The following KLC1 variants were observed in gnomAD, a reference collection of about 807,000 sequenced individuals.
The protein encoded by KLC1 is kinesin 2 60/70kDa.
A neutral mutation model predicts 84.2 loss-of-function variants in KLC1; 30 were observed. That is an observed-to-expected ratio of 0.36 (90% CI 0.27 to 0.48). KLC1 has a LOEUF of 0.48. Ranked by LOEUF, KLC1 falls within the 20% of genes least tolerant of loss-of-function variation. KLC1 has a pLI of 0.99. For missense variants in KLC1, 499 were observed against 805.4 expected (o/e 0.62, Z 4.60); for synonymous variants, 289 against 293.3 (o/e 0.99, Z 0.15).
intron 15 of KLC1, chr14:103,697,263 A>G (rs1332697764): frequency 5.9e-6 from 2 of 338,136 alleles, no homozygotes; most frequent in East Asian, 1.7e-4. Flanking sequence ...GAGAGCCTTG[A>G]TAACATGATG....
At position 103,655,862 on chromosome 14, in the gene KLC1, G is replaced by A. The variant is rs117509700; in HGVS notation, c.261+1037G>A. On this transcript the variant is annotated intron_variant, in intron 2 of 16. Transcript: ENST00000334553. ...AGGGCCTCTCTGAATTTTGAAAAGCGGATCCAAAATAGTGGATACTGCTGT... is the reference window on the plus strand; with the variant it reads ...AGGGCCTCTCTGAATTTTGAAAAGCAGATCCAAAATAGTGGATACTGCTGT... Among the ~76,000 whole-genome samples the A allele has an allele frequency of 9.5e-4, 145 of 152,242 alleles. 3 individuals are homozygous for A. In the East Asian group the frequency reaches 0.02, roughly 21 times the overall value.
At position 103,694,814 on chromosome 14, in the gene KLC1, A is replaced by AGAGTGTCG; in HGVS notation, c.1848+2396_1848+2397insGGAGTGTC. The AGAGTGTCG allele has an allele frequency of 1.0e-6, 1 of 985,410 alleles. No homozygotes were observed. Among genetic ancestry groups the AGAGTGTCG allele is most frequent in the Non-Finnish European group, 1.2e-6 (1 of 829,858 alleles). 61.0% of individuals were successfully genotyped at this position (985,410 alleles called of 1,614,324 possible). A position where few individuals can be genotyped will look rare whatever the true frequency, so the allele number is the denominator to read the frequency against. On this transcript the variant is annotated intron_variant, in intron 15 of 16. Coordinates refer to ENST00000334553, the MANE Select transcript of KLC1 (RefSeq NM_001394837.1). The surrounding 1 kb of genome is among the most constrained non-coding windows in gnomAD (Gnocchi z 4.5). ...CCCGTGGGGCACGAAGGCTGGGGAC[A>AGAGTGTCG]GAGTGTCCTGAGGTTTTGTTACAAG...
At chr14:103,633,725 TC>T (rs1389283411) in intron 1 of KLC1, among the ~76,000 whole-genome samples, 4 of 152,130 alleles carry the variant, frequency 2.6e-5, no homozygotes, top group Non-Finnish European at 5.9e-5. Context: ...CTCAAGCACT[TC>T]CAGGTGCATC....
chr14:103,646,420 C>T (rs1372503245), intron 1 of KLC1, among the ~76,000 whole-genome samples: 1 of 152,122 alleles, frequency 6.6e-6, no homozygotes, highest in Non-Finnish European at 1.5e-5. Flanking sequence ...CCCACTTCAG[C>T]CTCTCAAGTA....
In KLC1 at chr14:103,699,524, C is replaced by T. The variant is rs750418294; in HGVS notation, c.1849-1131C>T. 2.5e-6 allele frequency: 4 copies of T among 1,613,504 alleles called. No individual in the cohort carries two copies. In the East Asian group the frequency reaches 6.7e-5, roughly 27 times the overall value. ...GTCGATGACCACCAGGCGAGCCATGCCCCGAGACAGCAGTACGGGGACCTT... is the reference window on the plus strand; with the variant it reads ...GTCGATGACCACCAGGCGAGCCATGTCCCGAGACAGCAGTACGGGGACCTT... On this transcript the variant is annotated intron_variant, in intron 15 of 16. Coordinates refer to ENST00000334553, the MANE Select transcript of KLC1 (RefSeq NM_001394837.1).
Position 103,679,365 on chromosome 14 carries a change from T to C in KLC1, c.1489-19T>C, listed in dbSNP as rs757525808. Reference sequence around the variant, plus strand: ...TAAGTGCTAATGGGTCAAACCATTTTCCCCTGCCTGGCTCACAGGGTCTTG... The same window carrying C: ...TAAGTGCTAATGGGTCAAACCATTTCCCCCTGCCTGGCTCACAGGGTCTTG... On this transcript the variant is annotated intron_variant, in intron 12 of 16. Transcript: ENST00000334553. 4.3e-6 allele frequency: 7 copies of C among 1,613,792 alleles called. No individual in the cohort carries two copies. Among genetic ancestry groups the C allele is most frequent in the Non-Finnish European group, 5.9e-6 (7 of 1,179,868 alleles).
chr14:103,692,271 C>T (rs1026597128), intron 14 of KLC1, 88 bp from the exon 15 acceptor site: 22 of 1,205,166 alleles, frequency 1.8e-5, no homozygotes, highest in East Asian at 2.5e-5. Context: ...GTCACAGAGG[C>T]GTTGGAGGGG....
At chr14:103,695,529 T>TG (rs1460144228) in intron 15 of KLC1, 3 of 985,094 alleles carry the variant, frequency 3.0e-6, no homozygotes, top group Non-Finnish European at 3.6e-6. Flanking sequence ...TCCCTTGTGG[T>TG]GGGGGTGCCT....
At chr14:103,699,683 C>A in intron 15 of KLC1, 1 of 1,091,284 alleles carries the variant, frequency 9.2e-7, no homozygotes, top group African/African-American at 1.5e-5. Context: ...TCCTACCCAC[C>A]TGGGGCTCAC....
At position 103,696,314 on chromosome 14, in the gene KLC1, C is replaced by T. The variant is rs778484028; in HGVS notation, c.1848+3889C>T. ...GGTCCTCAGAGGCCGGTGGTGCCCGCGGGTGGCACGGGGCACTCTCATGGG... is the reference window on the plus strand; with the variant it reads ...GGTCCTCAGAGGCCGGTGGTGCCCGTGGGTGGCACGGGGCACTCTCATGGG... On this transcript the variant is annotated intron_variant, in intron 15 of 16. Coordinates refer to ENST00000334553, the MANE Select transcript of KLC1 (RefSeq NM_001394837.1). The T allele has an allele frequency of 7.1e-6, 7 of 985,158 alleles. No individual in the cohort carries two copies. The South Asian group carries it at 1.4e-4, about 20-fold the overall frequency. The allele number at this position is 985,158 out of a possible 1,614,324, so 61.0% of individuals were successfully genotyped here. A position where few individuals can be genotyped will look rare whatever the true frequency, so the allele number is the denominator to read the frequency against.
intron 5 of KLC1, among the ~76,000 whole-genome samples, chr14:103,663,399 A>C (rs2079462616): frequency 2.0e-5 from 3 of 152,110 alleles, no homozygotes; most frequent in Admixed American, 2.0e-4. Flanking sequence ...AGCTTTGTGG[A>C]AGGGTGTCAC....
At chr14:103,688,371 G>A (rs2081910664) in intron 14 of KLC1, among the ~76,000 whole-genome samples, 1 of 152,040 alleles carries the variant, frequency 6.6e-6, no homozygotes, top group African/African-American at 2.4e-5. Context: ...GGCTGGTCTC[G>A]AACTCCTGAC....
At chr14:103,673,990 C>T (rs990690421) in intron 9 of KLC1, among the ~76,000 whole-genome samples, 1 of 151,924 alleles carries the variant, frequency 6.6e-6, no homozygotes, top group Admixed American at 6.6e-5. Flanking sequence ...AGCAGTTAGA[C>T]TGGGATTACA....
intron 13 of KLC1, among the ~76,000 whole-genome samples, chr14:103,681,016 G>A (rs3915733): frequency 0.3 from 45,365 of 152,096 alleles, 7,405 homozygotes; most frequent in Middle Eastern, 0.38. Flanking sequence ...AGGTGTCCCC[G>A]TCAGGCCCGC....
intron 16 of KLC1, 135 bp from the exon 17 acceptor site, chr14:103,701,066 G>T: frequency 8.1e-6 from 9 of 1,105,468 alleles, no homozygotes; most frequent in Non-Finnish European, 1.2e-5. Flanking sequence ...CCCCAGGGAG[G>T]CTCACAACCA....
At chr14:103,634,441 G>T (rs559170340) in intron 1 of KLC1, among the ~76,000 whole-genome samples, 5 of 152,150 alleles carry the variant, frequency 3.3e-5, no homozygotes, top group Non-Finnish European at 7.3e-5. Flanking sequence ...TAAATCTGAA[G>T]TGCTTGTGGG....
rs2080555515 is a variant in KLC1 at position 103,673,086 on chromosome 14, A to G, written c.1060A>G (p.Lys354Glu). The G allele has an allele frequency of 1.2e-6, 2 of 1,613,924 alleles. No homozygotes were observed. The highest frequency in any genetic ancestry group is 1.3e-5 in the African/African-American group (1 of 74,882). ...GGCCTTACTGTGCCAGAACCAGGGCAAGTATGAAGAAGTAGAATATTATTA... is the reference window on the plus strand; with the variant it reads ...GGCCTTACTGTGCCAGAACCAGGGCGAGTATGAAGAAGTAGAATATTATTA... Reference protein sequence around the residue: ...NLALLCQNQGKYEEVEYYYQR... With the variant: ...NLALLCQNQGEYEEVEYYYQR... The change falls in exon 8 of 17, where the codon AAG becomes GAG. Residue 354 changes from lysine to glutamate, a missense_variant. This residue lies in a region of KLC1 where 153 missense variants were observed against 332.4 expected (regional missense o/e 0.46). Coordinates refer to ENST00000334553, the MANE Select transcript of KLC1 (RefSeq NM_001394837.1).
intron 14 of KLC1, chr14:103,688,155 C>CGTT (rs139523413): frequency 6.6e-6 from 1 of 152,046 alleles, no homozygotes; most frequent in South Asian, 2.1e-4. Flanking sequence ...CTGTCTTTTT[C>CGTT]GTTGTTGTTG....
At position 103,673,052 on chromosome 14, in the gene KLC1, A is replaced by G. The variant is rs148174982; in HGVS notation, c.1026A>G (p.Leu342=). Residue 342 remains leucine (L), a synonymous_variant, in exon 8 of 17, where the codon TTA becomes TTG. Coordinates refer to ENST00000334553, the MANE Select transcript of KLC1 (RefSeq NM_001394837.1). ...GKDHPDVAKQ[L]NNLALLCQNQ... ...ATCACCCCGATGTTGCCAAGCAGTT[A>G]AATAACTTGGCCTTACTGTGCCAGA... The G allele has an allele frequency of 2.5e-6, 4 of 1,614,056 alleles. No homozygotes were observed. The highest frequency in any genetic ancestry group is 3.4e-6 in the Non-Finnish European group (4 of 1,180,000).
Sources: gnomAD v4.1 joint callset for allele counts (sites outside exome capture counted in the v4.1 genomes callset) on GRCh38, gnomAD v4.1.1 for gene constraint, gnomAD v4.1.1 regional missense constraint, Gnocchi (gnomAD v3.1) non-coding constraint, MANE v1.5 for transcripts, NCBI Gene and HGNC (gene_info 2026-07-23, HGNC 2026-07-21) for gene names.